The following SULT1B1 variants were observed in gnomAD, a reference collection of about 807,000 sequenced individuals.
SULT1B1 encodes sulfotransferase family 1B member 1.
SULT1B1 carries 28 observed loss-of-function variants against 34.6 expected under a neutral mutation model. The observed-to-expected ratio is 0.81, with a 90% CI of 0.60 to 1.11. The LOEUF (loss-of-function observed/expected upper bound fraction) is 1.11, where lower values mean the gene tolerates loss of function less well. Ranked by LOEUF, SULT1B1 falls within the 50% of genes least tolerant of loss-of-function variation. The probability of loss-of-function intolerance (pLI) is 0.00; values close to 1 mark genes in which losing one functional copy is unlikely to be tolerated. For synonymous variants in SULT1B1, 147 were observed against 110.2 expected, an observed-to-expected ratio of 1.33 and a Z score of -2.09; for missense variants, 374 against 352.2, an observed-to-expected ratio of 1.06 and a Z score of -0.50.
chr4:69,738,691 A>G (rs1718415390), intron 4 of SULT1B1, among the ~76,000 whole-genome samples: 1 of 152,164 alleles, frequency 6.6e-6, no homozygotes, highest in African/African-American at 2.4e-5. Flanking sequence ...ATTTCAAAAC[A>G]CAATTATGTG....
In SULT1B1 at chr4:69,749,785, C is replaced by T. The variant is rs149557615; in HGVS notation, c.311G>A (p.Arg104Gln). 68 of 1,613,316 alleles carry T rather than the reference C, an allele frequency of 4.2e-5. No individual in the cohort carries two copies. In the East Asian group the frequency reaches 1.0e-3, roughly 25 times the overall value. The change falls in exon 4 of 8, where the codon CGG (arginine) becomes CAG (glutamine). Residue 104 changes from arginine to glutamine, a missense_variant. Coordinates refer to ENST00000310613, the MANE Select transcript of SULT1B1 (RefSeq NM_014465.4). ...IEQLEKNPSP[R>Q]IVKTHLPTDL... ...AGTCGGTAGATGTGTTTTCACAATC[C>T]GGGGTGATGGATTCTTCTCCAATTG...
chr4:69,751,036 T>A (rs1718960719), intron 3 of SULT1B1, among the ~76,000 whole-genome samples: 1 of 152,256 alleles, frequency 6.6e-6, no homozygotes, highest in Non-Finnish European at 1.5e-5. Flanking sequence ...ACATACTTAA[T>A]AAAATGGTTA....
At position 69,725,781 on chromosome 4, in the gene SULT1B1, C is replaced by T. The variant is rs1427625700; in HGVS notation, c.*1307G>A. The T allele has an allele frequency of 1.3e-5, 2 of 151,296 alleles. No homozygotes were observed. The highest frequency in any genetic ancestry group is 2.4e-5 in the African/African-American group (1 of 41,182). The allele number at this position is 151,296 out of a possible 1,614,324, so 9.4% of individuals were successfully genotyped here. ...CAAACTATTGCAAGAACAAAAAAACCAAACACCTCATGTTCTTAGTCATTG... is the reference window on the plus strand; with the variant it reads ...CAAACTATTGCAAGAACAAAAAAACTAAACACCTCATGTTCTTAGTCATTG... On this transcript the variant is annotated 3_prime_UTR_variant, in exon 8 of 8. Transcript: ENST00000310613.
intron 4 of SULT1B1, among the ~76,000 whole-genome samples, chr4:69,736,735 G>A (rs533515077): frequency 6.6e-6 from 1 of 152,206 alleles, no homozygotes; most frequent in East Asian, 1.9e-4. Flanking sequence ...GGACCGAATA[G>A]TGTAATGGCA....
intron 4 of SULT1B1, 118 bp downstream of exon 4, chr4:69,749,603 G>GTA (rs1419035873): frequency 1.5e-6 from 1 of 668,408 alleles, no homozygotes; most frequent in Non-Finnish European, 2.6e-6. Context: ...AGTGGGTATA[G>GTA]TATAGATTGT....
At position 69,721,981 on chromosome 4, in the gene SULT1B1, T is replaced by C; in HGVS notation, c.*5107A>G. On this transcript the variant is annotated 3_prime_UTR_variant, in exon 8 of 8. Transcript: ENST00000310613. ...GATAAAAGCATTGTTTTAGAAAAAT[T>C]AATTTTGCAGTATTCTGATTGATTT... is the stretch of plus-strand genomic sequence containing the variant. The C allele has an allele frequency of 6.6e-6, 1 of 152,080 alleles. No individual in the cohort carries two copies. 9.4% of individuals were successfully genotyped at this position (152,080 alleles called of 1,614,324 possible). A position where few individuals can be genotyped will look rare whatever the true frequency, so the allele number is the denominator to read the frequency against.
intron 4 of SULT1B1, among the ~76,000 whole-genome samples, chr4:69,740,273 G>T (rs1578055510): frequency 6.6e-6 from 1 of 152,202 alleles, no homozygotes; most frequent in Non-Finnish European, 1.5e-5. Flanking sequence ...ATAAAGGAAA[G>T]AAGTTTAGTT....
rs1717708730 is a variant in SULT1B1, at chr4:69,723,230, G to A, written c.*3858C>T. ...CCCACAGAAATACAAACTACCGTCAGAGAATACTAAAAACACCTCTACGCA... is the reference window on the plus strand; with the variant it reads ...CCCACAGAAATACAAACTACCGTCAAAGAATACTAAAAACACCTCTACGCA... On this transcript the variant is annotated 3_prime_UTR_variant, in exon 8 of 8. Coordinates refer to ENST00000310613, the MANE Select transcript of SULT1B1 (RefSeq NM_014465.4). The A allele has an allele frequency of 6.6e-6, 1 of 152,086 alleles. No individual in the cohort carries two copies. Among genetic ancestry groups the A allele is most frequent in the Admixed American group, 6.6e-5 (1 of 15,250 alleles). 9.4% of individuals were successfully genotyped at this position (152,086 alleles called of 1,614,324 possible).
Position 69,724,837 on chromosome 4 carries a change from G to T in SULT1B1, c.*2251C>A, listed in dbSNP as rs529877234. 3.3e-5 allele frequency: 5 copies of T among 152,270 alleles called. No homozygotes were observed. The highest frequency in any genetic ancestry group is 5.9e-5 in the Non-Finnish European group (4 of 68,032). The allele number at this position is 152,270 out of a possible 1,614,324, so 9.4% of individuals were successfully genotyped here. A position where few individuals can be genotyped will look rare whatever the true frequency, so the allele number is the denominator to read the frequency against. The stretch of plus-strand genomic sequence containing the variant: ...AGCCATATGTAGAAAGCAGAACCTG[G>T]ATCCCTTCCTTACACCTTATACAAA... On this transcript the variant is annotated 3_prime_UTR_variant, in exon 8 of 8. Coordinates refer to ENST00000310613, the MANE Select transcript of SULT1B1 (RefSeq NM_014465.4).
chr4:69,749,966 C>T (rs924848314), intron 3 of SULT1B1, 148 bp from the exon 4 acceptor site: 27 of 607,966 alleles, frequency 4.4e-5, no homozygotes, highest in Admixed American at 4.0e-4. Flanking sequence ...CACCACATTA[C>T]TAGAGTCAGT....
At chr4:69,731,390 C>T (rs916703035) in intron 6 of SULT1B1, among the ~76,000 whole-genome samples, 1 of 152,196 alleles carries the variant, frequency 6.6e-6, no homozygotes, top group South Asian at 2.1e-4. Flanking sequence ...AGCCCCCTTG[C>T]ACCCTGTTCA....
chr4:69,730,444 C>T (rs1718027741), intron 7 of SULT1B1, 57 bp downstream of exon 7: 3 of 1,492,394 alleles, frequency 2.0e-6, no homozygotes, highest in Non-Finnish European at 2.8e-6. Flanking sequence ...TAATCCTTAG[C>T]TCATGATAAT....
intron 4 of SULT1B1, among the ~76,000 whole-genome samples, chr4:69,743,380 C>T (rs1001641765): frequency 3.9e-5 from 6 of 152,126 alleles, no homozygotes; most frequent in Non-Finnish European, 7.4e-5. Flanking sequence ...GAGTCTAGGA[C>T]GTTTTATGGG....
At chr4:69,751,512 C>T (rs1010520966) in intron 3 of SULT1B1, among the ~76,000 whole-genome samples, 5 of 151,952 alleles carry the variant, frequency 3.3e-5, no homozygotes, top group African/African-American at 1.2e-4. Flanking sequence ...AGTGCAGTGG[C>T]GCGATCTCAG....
chr4:69,727,130 T>G lies in SULT1B1; in HGVS notation c.849A>C (p.Thr283=). ...ATTGAAGTGCAGTTTTGGACATTTC[T>G]GTCTCATAAATAGCATCAAATTTCT... is the stretch of plus-strand genomic sequence containing the variant. ...QNEKFDAIYE[T]EMSKTALQFR... is the part of the protein sequence containing the mutation. The change falls in exon 8 of 8, where the codon ACA becomes ACC. Residue 283 remains threonine (T), a synonymous_variant. Coordinates refer to ENST00000310613, the MANE Select transcript of SULT1B1 (RefSeq NM_014465.4). 6.2e-7 allele frequency: 1 copy of G among 1,611,542 alleles called. No individual in the cohort carries two copies. Among genetic ancestry groups the G allele is most frequent in the Non-Finnish European group, 8.5e-7 (1 of 1,178,668 alleles).
At position 69,725,222 on chromosome 4, in the gene SULT1B1, A is replaced by C. The variant is rs943105289; in HGVS notation, c.*1866T>G. 6.6e-6 allele frequency: 1 copy of C among 152,214 alleles called. No individual in the cohort carries two copies. The highest frequency in any genetic ancestry group is 2.4e-5 in the African/African-American group (1 of 41,456). 9.4% of individuals were successfully genotyped at this position (152,214 alleles called of 1,614,324 possible). A position where few individuals can be genotyped will look rare whatever the true frequency, so the allele number is the denominator to read the frequency against. ...ACAAGTGTGCAAAGAATATGAACAG[A>C]TACTTCTCAAAAGAAGACATTTATG... On this transcript the variant is annotated 3_prime_UTR_variant, in exon 8 of 8. Coordinates refer to ENST00000310613, the MANE Select transcript of SULT1B1 (RefSeq NM_014465.4).
intron 6 of SULT1B1, 105 bp from the exon 7 acceptor site, chr4:69,730,786 T>C (rs1437524364): frequency 1.0e-6 from 1 of 964,376 alleles, no homozygotes; most frequent in East Asian, 2.7e-5. Flanking sequence ...CTGAATAGTA[T>C]AGGAAATCCA....
At chr4:69,751,641 AC>A (rs1718987778) in intron 3 of SULT1B1, among the ~76,000 whole-genome samples, 1 of 152,026 alleles carries the variant, frequency 6.6e-6, no homozygotes, top group Non-Finnish European at 1.5e-5. Context: ...TTTAGTAGAG[AC>A]GGGGTTTCAC....
chr4:69,746,574 C>T (rs11736332), intron 4 of SULT1B1, among the ~76,000 whole-genome samples: 44,761 of 151,968 alleles, frequency 0.29, 7,700 homozygotes, highest in South Asian at 0.45. Flanking sequence ...TCTTTCTCAA[C>T]GTGTCTATGT....
Sources: allele counts gnomAD v4.1 joint callset (sites outside exome capture counted in the v4.1 genomes callset), GRCh38; gene constraint gnomAD v4.1.1; transcripts MANE v1.5; gene names NCBI Gene and HGNC (gene_info 2026-07-23, HGNC 2026-07-21).